Variants in CAAP1 observed in about 807,000 individuals in gnomAD.
CAAP1 encodes conserved anti-apoptotic protein.
In CAAP1, 20 loss-of-function variants were observed where a neutral mutation model predicts 34.0. That is an observed-to-expected ratio of 0.59 (90% CI 0.41 to 0.86). CAAP1 has a LOEUF of 0.86. Among genes scored for constraint, CAAP1 ranks in the 40% least tolerant of loss-of-function variants. The pLI is 0.00. For missense variants in CAAP1, 538 were observed against 450.5 expected (o/e 1.19, Z -1.76); for synonymous variants, 213 against 166.7 (o/e 1.28, Z -2.14).
chr9:26,846,041 A>T (rs1357481520), intron 5 of CAAP1, among the ~76,000 whole-genome samples: 1 of 152,122 alleles, frequency 6.6e-6, no homozygotes, highest in African/African-American at 2.4e-5. Context: ...CAGTTGGCTT[A>T]ATTATTCAAA....
intron 4 of CAAP1, among the ~76,000 whole-genome samples, chr9:26,863,775 A>T (rs868785813): frequency 0.031 from 4,040 of 130,188 alleles, 187 homozygotes; most frequent in African/African-American, 0.1. Flanking sequence ...TTTAAATTAA[A>T]AAAAAAAAAA....
At chr9:26,863,695 G>C (rs886755873) in intron 4 of CAAP1, among the ~76,000 whole-genome samples, 1 of 149,930 alleles carries the variant, frequency 6.7e-6, no homozygotes, top group Admixed American at 6.7e-5. Context: ...GGAATGGGGA[G>C]AGGGTGGGAA....
intron 4 of CAAP1, among the ~76,000 whole-genome samples, chr9:26,864,728 A>G (rs986423905): frequency 6.6e-6 from 1 of 152,158 alleles, no homozygotes; most frequent in Non-Finnish European, 1.5e-5. Context: ...CTATCCCCAT[A>G]TTACTGTTTT....
At chr9:26,883,704 C>T (rs572067815) in intron 4 of CAAP1, among the ~76,000 whole-genome samples, 62 of 151,972 alleles carry the variant, frequency 4.1e-4, no homozygotes, top group African/African-American at 1.1e-3. Flanking sequence ...TGTTGATCAA[C>T]GTGGGGAATG....
At chr9:26,877,939 C>T (rs189791190) in intron 4 of CAAP1, among the ~76,000 whole-genome samples, 9 of 151,442 alleles carry the variant, frequency 5.9e-5, no homozygotes, top group African/African-American at 2.2e-4. Flanking sequence ...TTTACCTCTC[C>T]TTTCTATGTT....
At chr9:26,884,663 T>C (rs1823684267) in intron 4 of CAAP1, 147 bp downstream of exon 4, 1 of 674,944 alleles carries the variant, frequency 1.5e-6, no homozygotes. Flanking sequence ...AAAGGACCAA[T>C]CATTACAAGT....
chr9:26,889,966 C>T (rs1823860071), intron 1 of CAAP1, among the ~76,000 whole-genome samples: 2 of 151,632 alleles, frequency 1.3e-5, no homozygotes, highest in Admixed American at 1.3e-4. Context: ...TATGCAATGA[C>T]CTTTTCTTCA....
chr9:26,860,708 C>T (rs1359645768), intron 5 of CAAP1, among the ~76,000 whole-genome samples: 1 of 150,730 alleles, frequency 6.6e-6, no homozygotes, highest in African/African-American at 2.5e-5. Context: ...AGGAGAATGG[C>T]GTGAACCGGG....
At chr9:26,861,994 A>C (rs1368904262) in intron 4 of CAAP1, among the ~76,000 whole-genome samples, 1 of 151,076 alleles carries the variant, frequency 6.6e-6, no homozygotes, top group Non-Finnish European at 1.5e-5. Context: ...CACCTCTGGC[A>C]CTTAAATGTG....
intron 5 of CAAP1, among the ~76,000 whole-genome samples, chr9:26,857,384 C>T (rs564568323): frequency 3.5e-4 from 54 of 152,236 alleles, no homozygotes; most frequent in Non-Finnish European, 6.5e-4. Flanking sequence ...GTAATCCCAA[C>T]ACTTTGGAAG....
Position 26,840,878 on chromosome 9 carries a change from T to C in CAAP1, c.*1423A>G, listed in dbSNP as rs1460864235. ...AAATTATATCACTGTCTTTTCATCT[T>C]GAAGCAATAACAATGAACTCATAAC... On this transcript the variant is annotated 3_prime_UTR_variant, in exon 6 of 6. Coordinates refer to ENST00000333916, the MANE Select transcript of CAAP1 (RefSeq NM_024828.4). The C allele has an allele frequency of 6.6e-6, 1 of 152,240 alleles. No homozygotes were observed. The highest frequency in any genetic ancestry group is 1.9e-4 in the East Asian group (1 of 5,198). 9.4% of individuals were successfully genotyped at this position (152,240 alleles called of 1,614,324 possible).
At chr9:26,890,368 C>G (rs891693809) in intron 1 of CAAP1, among the ~76,000 whole-genome samples, 1 of 140,558 alleles carries the variant, frequency 7.1e-6, no homozygotes, top group African/African-American at 2.6e-5. Context: ...GAGAGCCTAT[C>G]TCAAAAAAAG....
chr9:26,876,244 T>C (rs1823424689), intron 4 of CAAP1, among the ~76,000 whole-genome samples: 1 of 152,204 alleles, frequency 6.6e-6, no homozygotes, highest in Non-Finnish European at 1.5e-5. Context: ...CAGCATCTCT[T>C]GACTTCGACT....
intron 5 of CAAP1, among the ~76,000 whole-genome samples, chr9:26,854,105 C>T (rs1372851535): frequency 6.6e-6 from 1 of 152,078 alleles, no homozygotes; most frequent in Non-Finnish European, 1.5e-5. Context: ...TTAGAAACTG[C>T]CAGGTTGATA....
chr9:26,892,627 G>C lies in CAAP1; in HGVS notation c.89C>G (p.Pro30Arg), dbSNP rs766721198. ...TCCACTGCTGCCGCTGGCCAACGCGGGTACGATGTCCGGGGCCGCGAGCGC... is the reference window on the plus strand; with the variant it reads ...TCCACTGCTGCCGCTGGCCAACGCGCGTACGATGTCCGGGGCCGCGAGCGC... Reference protein sequence around the residue: ...AAALAAPDIVPALASGSSGST... With the variant: ...AAALAAPDIVRALASGSSGST... The change falls in exon 1 of 6, where the codon CCC becomes CGC. Residue 30 changes from proline (P) to arginine (R), a missense_variant. Transcript: ENST00000333916. 2 of 1,609,296 alleles carry C rather than the reference G, an allele frequency of 1.2e-6. No homozygotes were observed. Among genetic ancestry groups the C allele is most frequent in the Non-Finnish European group, 8.5e-7 (1 of 1,179,524 alleles).
intron 4 of CAAP1, among the ~76,000 whole-genome samples, chr9:26,863,081 T>C (rs944910360): frequency 6.6e-5 from 10 of 152,164 alleles, no homozygotes; most frequent in African/African-American, 2.4e-4. Context: ...TTAATAATAA[T>C]GCAATGTAAC....
intron 2 of CAAP1, among the ~76,000 whole-genome samples, chr9:26,886,758 G>A (rs746710582): frequency 9.2e-5 from 14 of 152,092 alleles, no homozygotes; most frequent in Non-Finnish European, 2.1e-4. Flanking sequence ...ATCATTCCCT[G>A]CATTTAACAG....
At chr9:26,851,468 C>T (rs1200819030) in intron 5 of CAAP1, among the ~76,000 whole-genome samples, 1 of 152,148 alleles carries the variant, frequency 6.6e-6, no homozygotes, top group Non-Finnish European at 1.5e-5. Context: ...AAATTATTGT[C>T]TCTGAAGACA....
intron 1 of CAAP1, 28 bp downstream of exon 1, chr9:26,892,385 G>C (rs1463431135): frequency 1.9e-6 from 3 of 1,602,260 alleles, no homozygotes; most frequent in South Asian, 1.1e-5. Flanking sequence ...AGCAGCTCCA[G>C]GAAGCGGCCA....
Sources: allele counts gnomAD v4.1 joint callset (sites outside exome capture counted in the v4.1 genomes callset), GRCh38; gene constraint gnomAD v4.1.1; transcripts MANE v1.5; gene names NCBI Gene and HGNC (gene_info 2026-07-23, HGNC 2026-07-21).